The following HECW1 variants were observed in gnomAD, a reference collection of about 807,000 sequenced individuals.
HECW1 encodes the protein HECT, C2 and WW domain containing E3 ubiquitin protein ligase 1.
HECW1 carries 61 observed loss-of-function variants against 182.3 expected under a neutral mutation model. That is an observed-to-expected ratio of 0.33 (90% CI 0.27 to 0.41). The LOEUF is 0.41. HECW1 is among the 10% of genes least tolerant of loss of function. The pLI is 1.00. For synonymous variants in HECW1, 859 were observed against 832.6 expected (o/e 1.03, Z -0.55); for missense variants, 1,739 against 2,108.9 (o/e 0.82, Z 3.44).
intron 2 of HECW1, among the ~76,000 whole-genome samples, chr7:43,129,037 A>G (rs1021851868): frequency 6.6e-6 from 1 of 152,222 alleles, no homozygotes; most frequent in Non-Finnish European, 1.5e-5. Context: ...TTGAGATGAA[A>G]TCTATTCCTG....
chr7:43,506,586 A>C (rs1181925421), intron 21 of HECW1, among the ~76,000 whole-genome samples: 1 of 152,212 alleles, frequency 6.6e-6, no homozygotes, highest in Non-Finnish European at 1.5e-5. Context: ...GAGATGCCAG[A>C]ATGTGCCTCT....
intron 2 of HECW1, among the ~76,000 whole-genome samples, chr7:43,155,557 A>G (rs897006632): frequency 6.6e-6 from 1 of 152,230 alleles, no homozygotes; most frequent in Non-Finnish European, 1.5e-5. Flanking sequence ...TTGGCAAAAG[A>G]ATTTTATATA....
chr7:43,321,997 A>T (rs962728469), intron 5 of HECW1, among the ~76,000 whole-genome samples: 1 of 152,156 alleles, frequency 6.6e-6, no homozygotes, highest in African/African-American at 2.4e-5. Flanking sequence ...GTGTAGAGGG[A>T]ACATGATTTT....
intron 6 of HECW1, chr7:43,377,647 TTC>T (rs1216165999): frequency 9.9e-6 from 2 of 201,988 alleles, no homozygotes; most frequent in African/African-American, 4.6e-5. Context: ...AACATTTTTT[TTC>T]TCTTTGTGAG....
chr7:43,447,366 A>T (rs2077091021), intron 11 of HECW1, among the ~76,000 whole-genome samples: 1 of 152,232 alleles, frequency 6.6e-6, no homozygotes, highest in African/African-American at 2.4e-5. Context: ...TTAGAGGCCA[A>T]CAGTCTAGCA....
intron 24 of HECW1, among the ~76,000 whole-genome samples, chr7:43,521,966 T>C (rs1343325542): frequency 2.0e-5 from 3 of 152,196 alleles, no homozygotes; most frequent in African/African-American, 7.2e-5. Flanking sequence ...AGTCCCCCTA[T>C]AAAAGAGGTT....
chr7:43,470,109 G>A (rs2077957594), intron 16 of HECW1, among the ~76,000 whole-genome samples: 1 of 152,190 alleles, frequency 6.6e-6, no homozygotes, highest in Admixed American at 6.5e-5. Flanking sequence ...GAGGGGAAAG[G>A]ACATGTGTAG....
At chr7:43,515,530 A>T (rs764580156) in intron 24 of HECW1, among the ~76,000 whole-genome samples, 2 of 152,254 alleles carry the variant, frequency 1.3e-5, no homozygotes, top group Non-Finnish European at 2.9e-5. Flanking sequence ...ACTTGGTGAT[A>T]GATTATAAAT....
intron 6 of HECW1, among the ~76,000 whole-genome samples, chr7:43,386,800 T>C (rs535939631): frequency 6.6e-6 from 1 of 152,240 alleles, no homozygotes; most frequent in East Asian, 1.9e-4. Context: ...CTGAAGGGTG[T>C]AGAAGCTAAC....
chr7:43,474,235 G>A (rs2078133227), intron 16 of HECW1, among the ~76,000 whole-genome samples: 1 of 152,142 alleles, frequency 6.6e-6, no homozygotes, highest in Non-Finnish European at 1.5e-5. Flanking sequence ...GGATCACGAG[G>A]TCAGCAGATC....
At chr7:43,499,058 A>C (rs1275191907) in intron 19 of HECW1, among the ~76,000 whole-genome samples, 6 of 152,100 alleles carry the variant, frequency 3.9e-5, no homozygotes, top group Admixed American at 1.3e-4. Flanking sequence ...AGGCAGGCGA[A>C]TCTCTTGAGC....
At chr7:43,514,222 C>T (rs554658546) in intron 24 of HECW1, among the ~76,000 whole-genome samples, 1 of 152,212 alleles carries the variant, frequency 6.6e-6, no homozygotes, top group South Asian at 2.1e-4. Flanking sequence ...TTATAATTTA[C>T]AGAACAGTAT....
At chr7:43,197,537 C>T (rs778575484) in intron 2 of HECW1, among the ~76,000 whole-genome samples, 59 of 152,190 alleles carry the variant, frequency 3.9e-4, no homozygotes, top group Admixed American at 7.9e-4. Context: ...CGATCACTGC[C>T]TCTGCTAAAT....
rs73328064 is a variant in HECW1 at position 43,408,260 on chromosome 7, A to T, written c.801+529A>T. The stretch of plus-strand genomic sequence containing the variant: ...AAGCCTAATGGTTTATCCTATCTTC[A>T]TGATTTGCAAAGGGCTGGGCAGCTT... On this transcript the variant is annotated intron_variant, in intron 8 of 29. Transcript: ENST00000395891. Among the ~76,000 whole-genome samples the T allele has an allele frequency of 5.7e-3, 863 of 152,274 alleles. 6 individuals are homozygous for T. The highest frequency in any genetic ancestry group is 0.016 in the East Asian group (81 of 5,174).
intron 7 of HECW1, among the ~76,000 whole-genome samples, chr7:43,399,107 AT>A (rs2075323033): frequency 6.6e-6 from 1 of 152,220 alleles, no homozygotes; most frequent in African/African-American, 2.4e-5. Context: ...CTAAATCATA[AT>A]TTATAATCTT....
At chr7:43,521,693 G>A (rs1585180425) in intron 24 of HECW1, among the ~76,000 whole-genome samples, 1 of 152,284 alleles carries the variant, frequency 6.6e-6, no homozygotes, top group East Asian at 1.9e-4. Flanking sequence ...CTGACAACAT[G>A]GTGAAACCCC....
At chr7:43,443,829 C>G (rs917877527) in intron 10 of HECW1, among the ~76,000 whole-genome samples, 3 of 152,172 alleles carry the variant, frequency 2.0e-5, no homozygotes, top group African/African-American at 7.2e-5. Context: ...ATGCAATTAA[C>G]TAAATATAAT....
At chr7:43,515,395 T>C (rs1189606089) in intron 24 of HECW1, among the ~76,000 whole-genome samples, 2 of 152,066 alleles carry the variant, frequency 1.3e-5, no homozygotes, top group South Asian at 2.1e-4. Flanking sequence ...GAGTGGGCAA[T>C]AGGGGTGTCA....
At chr7:43,152,559 G>A (rs1789454360) in intron 2 of HECW1, among the ~76,000 whole-genome samples, 1 of 152,004 alleles carries the variant, frequency 6.6e-6, no homozygotes, top group African/African-American at 2.4e-5. Context: ...TCTTATAAGG[G>A]TACAATATTG....
Sources: gnomAD v4.1 joint callset for allele counts (sites outside exome capture counted in the v4.1 genomes callset) on GRCh38, gnomAD v4.1.1 for gene constraint, MANE v1.5 for transcripts, NCBI Gene and HGNC (gene_info 2026-07-23, HGNC 2026-07-21) for gene names.